The following PRKCH variants were observed in gnomAD, a reference collection of about 807,000 sequenced individuals.
The protein encoded by PRKCH is protein kinase C eta, also known as protein kinase C eta type.
PRKCH carries 28 observed loss-of-function variants against 82.5 expected under a neutral mutation model. The observed-to-expected ratio is 0.34, with a 90% CI of 0.25 to 0.47. The LOEUF is 0.47. Among genes scored for constraint, PRKCH ranks in the 20% least tolerant of loss-of-function variants. The pLI is 1.00. For synonymous variants in PRKCH, 322 were observed against 327.4 expected (o/e 0.98, Z 0.18); for missense variants, 705 against 881.8 (o/e 0.80, Z 2.54).
chr14:61,220,618 C>T (rs185688051), intron 1 of PRKCH, among the ~76,000 whole-genome samples: 5 of 152,290 alleles, frequency 3.3e-5, no homozygotes, highest in African/African-American at 1.2e-4. Flanking sequence ...TGGACCAACT[C>T]CACACAGGAG....
chr14:61,394,905 G>T (rs889161567), intron 2 of PRKCH, among the ~76,000 whole-genome samples: 1 of 152,092 alleles, frequency 6.6e-6, no homozygotes, highest in Non-Finnish European at 1.5e-5. Flanking sequence ...AAGCCCAGTG[G>T]TCCCTGTCCA....
intron 1 of PRKCH, among the ~76,000 whole-genome samples, chr14:61,250,223 T>TGA (rs2044932638): frequency 6.8e-6 from 1 of 147,246 alleles, no homozygotes; most frequent in African/African-American, 2.5e-5. Context: ...GGCGATAGAG[T>TGA]GAGACTCAGT....
At chr14:61,542,027 C>T (rs527538322) in intron 12 of PRKCH, among the ~76,000 whole-genome samples, 2 of 152,338 alleles carry the variant, frequency 1.3e-5, no homozygotes, top group East Asian at 3.9e-4. Context: ...TGGTGGCTCA[C>T]ACCTGTAATC....
chr14:61,311,707 C>T (rs1208462498), intron 1 of PRKCH, among the ~76,000 whole-genome samples: 1 of 152,252 alleles, frequency 6.6e-6, no homozygotes, highest in Non-Finnish European at 1.5e-5. Context: ...GTTTAATTGA[C>T]TCACAATTCC....
intron 1 of PRKCH, among the ~76,000 whole-genome samples, chr14:61,381,271 G>A (rs1424991530): frequency 6.6e-6 from 1 of 152,160 alleles, no homozygotes; most frequent in Admixed American, 6.5e-5. Flanking sequence ...TCCGGATTGA[G>A]CAGGGTAAAG....
chr14:61,503,804 A>G (rs1887020645), intron 10 of PRKCH, among the ~76,000 whole-genome samples: 1 of 152,158 alleles, frequency 6.6e-6, no homozygotes, highest in South Asian at 2.1e-4. Flanking sequence ...AGAAAGAGGT[A>G]GAGTCGAGGG....
chr14:61,423,397 C>G lies in PRKCH; in HGVS notation c.428-19714C>G, dbSNP rs181560934. On this transcript the variant is annotated intron_variant, in intron 2 of 13. Coordinates refer to ENST00000332981, the MANE Select transcript of PRKCH (RefSeq NM_006255.5). ...AGGGTAAAAGGCAGAAATACACAGA[C>G]AGTTGAATGACTGTGCCAGATCGTG... 4.5e-4 allele frequency among the ~76,000 whole-genome samples: 69 copies of G among 152,296 alleles called. 1 individual carries two copies. Among genetic ancestry groups the G allele is most frequent in the African/African-American group, 1.7e-3 (69 of 41,556 alleles).
intron 6 of PRKCH, among the ~76,000 whole-genome samples, chr14:61,452,253 A>G (rs1884546480): frequency 6.6e-6 from 1 of 152,112 alleles, no homozygotes; most frequent in Admixed American, 6.5e-5. Context: ...ATGAAGCTTA[A>G]GTCTCAGGGC....
At chr14:61,455,155 G>A (rs571125272) in intron 7 of PRKCH, among the ~76,000 whole-genome samples, 1 of 151,006 alleles carries the variant, frequency 6.6e-6, no homozygotes, top group East Asian at 1.9e-4. Flanking sequence ...TCAGCCTTCC[G>A]AGTAGCTGGG....
intron 1 of PRKCH, among the ~76,000 whole-genome samples, chr14:61,189,773 C>G (rs191078265): frequency 6.6e-6 from 1 of 151,586 alleles, no homozygotes; most frequent in Admixed American, 6.6e-5. Context: ...ATCACTCGCA[C>G]TCTGCCAAAA....
At chr14:61,428,040 T>TAG (rs757572347) in intron 2 of PRKCH, among the ~76,000 whole-genome samples, 24,637 of 130,946 alleles carry the variant, frequency 0.19, 2,776 homozygotes, top group Admixed American at 0.31. Flanking sequence ...CAAATATATA[T>TAG]ATATAGATAG....
intron 2 of PRKCH, among the ~76,000 whole-genome samples, chr14:61,423,691 T>C (rs954333352): frequency 7.9e-5 from 12 of 152,062 alleles, no homozygotes; most frequent in African/African-American, 2.9e-4. Flanking sequence ...GGTTGACACC[T>C]AAAGGGAGTG....
chr14:61,365,816 G>A lies in PRKCH; in HGVS notation c.364-25409G>A, dbSNP rs191125705. 4.6e-5 allele frequency among the ~76,000 whole-genome samples: 7 copies of A among 152,154 alleles called. No individual in the cohort carries two copies. In the East Asian group the frequency reaches 1.3e-3, roughly 29 times the overall value. On this transcript the variant is annotated intron_variant, in intron 1 of 13. Coordinates refer to ENST00000332981, the MANE Select transcript of PRKCH (RefSeq NM_006255.5). ...CAAGACATAAACACAGGAAAAGTTAGCTAATCATGCAGGGTTTAAATAGCA... is the reference window on the plus strand; with the variant it reads ...CAAGACATAAACACAGGAAAAGTTAACTAATCATGCAGGGTTTAAATAGCA...
chr14:61,466,829 G>A (rs1243443521), intron 9 of PRKCH, among the ~76,000 whole-genome samples: 1 of 152,182 alleles, frequency 6.6e-6, no homozygotes, highest in African/African-American at 2.4e-5. Flanking sequence ...TCTTTACGAT[G>A]TCAGCCTGCA....
chr14:61,497,773 C>T (rs985471853), intron 10 of PRKCH, among the ~76,000 whole-genome samples: 1 of 151,996 alleles, frequency 6.6e-6, no homozygotes. Flanking sequence ...AGGATGGGCT[C>T]TTTAAACTGA....
chr14:61,225,547 A>G (rs2044690412), intron 1 of PRKCH, among the ~76,000 whole-genome samples: 1 of 152,230 alleles, frequency 6.6e-6, no homozygotes, highest in African/African-American at 2.4e-5. Flanking sequence ...GCCACGCAGC[A>G]TGGAGTGCAT....
At chr14:61,449,453 CT>C (rs568713967) in intron 5 of PRKCH, among the ~76,000 whole-genome samples, 49 of 152,194 alleles carry the variant, frequency 3.2e-4, no homozygotes, top group African/African-American at 1.2e-3. Context: ...GTCTCTCTCC[CT>C]TTTTTTAAAT....
chr14:61,472,103 G>A (rs1299910439), intron 9 of PRKCH, among the ~76,000 whole-genome samples: 9 of 152,162 alleles, frequency 5.9e-5, no homozygotes, highest in African/African-American at 7.2e-5. Flanking sequence ...CAGCGGAAGC[G>A]TGCAGCGTCT....
intron 10 of PRKCH, among the ~76,000 whole-genome samples, chr14:61,494,951 T>C (rs1027443531): frequency 3.9e-5 from 6 of 152,226 alleles, no homozygotes; most frequent in African/African-American, 1.4e-4. Context: ...ATAATTTTCT[T>C]AGGAAGTCCT....
Sources: allele counts gnomAD v4.1 joint callset (sites outside exome capture counted in the v4.1 genomes callset), GRCh38; gene constraint gnomAD v4.1.1; transcripts MANE v1.5; gene names NCBI Gene and HGNC (gene_info 2026-07-23, HGNC 2026-07-21).